The following COL24A1 variants were observed in gnomAD, a reference collection of about 807,000 sequenced individuals.
COL24A1 encodes the protein collagen alpha-1(XXIV) chain.
Under a neutral mutation model 253.9 loss-of-function variants are expected in COL24A1, and 224 were observed. The ratio of observed to expected loss-of-function variants is 0.88; its 90% CI spans 0.79 to 0.99. The LOEUF (loss-of-function observed/expected upper bound fraction) is 0.99, where lower values mean the gene tolerates loss of function less well. Ranked by LOEUF, COL24A1 falls within the 50% of genes least tolerant of loss-of-function variation. The pLI is 0.00. For missense variants in COL24A1, 2,131 were observed against 2,068.5 expected, an observed-to-expected ratio of 1.03 and a Z score of -0.59; for synonymous variants, 685 against 673.7, an observed-to-expected ratio of 1.02 and a Z score of -0.26.
chr1:85,874,940 C>A (rs1344448843), intron 34 of COL24A1, among the ~76,000 whole-genome samples: 2 of 152,142 alleles, frequency 1.3e-5, no homozygotes, highest in African/African-American at 4.8e-5. Context: ...AAACACGAAC[C>A]CTATTGTCAA....
At chr1:85,978,023 C>G (rs1692863752) in intron 20 of COL24A1, among the ~76,000 whole-genome samples, 1 of 152,148 alleles carries the variant, frequency 6.6e-6, no homozygotes, top group Admixed American at 6.5e-5. Flanking sequence ...AGATTTACAG[C>G]AGATTCCTCA....
chr1:85,897,507 T>C (rs1220405248), intron 28 of COL24A1, among the ~76,000 whole-genome samples: 1 of 151,326 alleles, frequency 6.6e-6, no homozygotes, highest in Non-Finnish European at 1.5e-5. Flanking sequence ...GCTATGCAAC[T>C]GCTTGTCAGG....
intron 37 of COL24A1, among the ~76,000 whole-genome samples, chr1:85,864,756 T>G (rs944891038): frequency 1.3e-5 from 2 of 152,186 alleles, no homozygotes; most frequent in African/African-American, 2.4e-5. Flanking sequence ...CTTAAACAGA[T>G]AGTAAAAACC....
At chr1:85,776,263 T>C (rs1285568449) in intron 52 of COL24A1, among the ~76,000 whole-genome samples, 1 of 152,148 alleles carries the variant, frequency 6.6e-6, no homozygotes, top group Admixed American at 6.6e-5. Context: ...ATCTTTCTGT[T>C]ATTGATTTCT....
chr1:85,907,308 C>T (rs541250405), intron 27 of COL24A1, 61 bp from the exon 28 acceptor site: 1 of 1,336,202 alleles, frequency 7.5e-7, no homozygotes, highest in South Asian at 1.2e-5. Flanking sequence ...AGAATAATAG[C>T]CATAATCTTT....
chr1:85,829,560 C>T (rs931761220), intron 43 of COL24A1, among the ~76,000 whole-genome samples: 1 of 151,900 alleles, frequency 6.6e-6, no homozygotes, highest in Non-Finnish European at 1.5e-5. Flanking sequence ...TCAGGTACAC[C>T]AATCAGACGT....
At chr1:85,948,845 A>T (rs1040900339) in intron 24 of COL24A1, among the ~76,000 whole-genome samples, 49 of 151,462 alleles carry the variant, frequency 3.2e-4, no homozygotes, top group Admixed American at 1.4e-3. Context: ...TATAATAAAA[A>T]ATATATATAT....
chr1:85,744,286 A>C (rs967332722), intron 57 of COL24A1, among the ~76,000 whole-genome samples: 4 of 152,058 alleles, frequency 2.6e-5, no homozygotes, highest in Non-Finnish European at 4.4e-5. Context: ...ATTAAAAAAA[A>C]CCCAGACTTT....
At chr1:86,140,427 G>A (rs924584090) in intron 2 of COL24A1, among the ~76,000 whole-genome samples, 4 of 152,202 alleles carry the variant, frequency 2.6e-5, no homozygotes, top group African/African-American at 9.6e-5. Context: ...TTTATAAAAT[G>A]AGAAATGAAG....
chr1:85,861,363 T>C (rs1352449532), intron 37 of COL24A1, among the ~76,000 whole-genome samples: 1 of 152,186 alleles, frequency 6.6e-6, no homozygotes, highest in African/African-American at 2.4e-5. Context: ...TACGAGTCCC[T>C]TATCATATAT....
intron 8 of COL24A1, among the ~76,000 whole-genome samples, chr1:86,061,501 C>T (rs72960354): frequency 0.09 from 13,730 of 152,016 alleles, 729 homozygotes; most frequent in Middle Eastern, 0.2. Flanking sequence ...AATCCTATTT[C>T]GAATGGATTG....
intron 13 of COL24A1, among the ~76,000 whole-genome samples, chr1:86,033,648 A>G (rs1220984016): frequency 7.0e-6 from 1 of 142,568 alleles, no homozygotes; most frequent in Non-Finnish European, 1.6e-5. Flanking sequence ...ACTTAACATC[A>G]TCAAAATAAT....
chr1:85,794,959 G>A (rs1318817851), intron 47 of COL24A1, among the ~76,000 whole-genome samples: 8 of 152,098 alleles, frequency 5.3e-5, no homozygotes, highest in Non-Finnish European at 8.8e-5. Flanking sequence ...AGTTTTGACA[G>A]GACTGAAACC....
Position 86,112,613 on chromosome 1 carries a change from G to A in COL24A1, c.1553C>T (p.Pro518Leu), listed in dbSNP as rs777014703. ...PSGKRGPRGI[P>L]GPHGNPGLPG... The stretch of plus-strand genomic sequence containing the variant: ...TAAACCAGGATTTCCATGTGGCCCT[G>A]GTATGCCCTGCAAGTAACGAAAAAA... The change falls in exon 5 of 60, where the codon CCA becomes CTA. Residue 518 changes from proline to leucine, a missense_variant. Pro to Leu is a moderately conservative substitution (Grantham distance 98, BLOSUM62 -3). Transcript: ENST00000370571. The A allele has an allele frequency of 6.2e-7, 1 of 1,612,682 alleles. No homozygotes were observed. Among genetic ancestry groups the A allele is most frequent in the Non-Finnish European group, 8.5e-7 (1 of 1,179,210 alleles).
At chr1:86,126,318 GT>G in intron 2 of COL24A1, 104 bp from the exon 3 acceptor site, 2 of 1,032,166 alleles carry the variant, frequency 1.9e-6, no homozygotes, top group Non-Finnish European at 2.7e-6. Context: ...AGCAACAGTA[GT>G]TTCTAAAATA....
chr1:85,813,773 G>C (rs1263582961), intron 47 of COL24A1, among the ~76,000 whole-genome samples: 1 of 151,570 alleles, frequency 6.6e-6, no homozygotes, highest in Non-Finnish European at 1.5e-5. Flanking sequence ...GGATGGTCTC[G>C]ATCTCCTGAC....
intron 14 of COL24A1, among the ~76,000 whole-genome samples, chr1:86,029,201 A>G (rs1264012373): frequency 2.0e-5 from 3 of 152,168 alleles, no homozygotes; most frequent in South Asian, 4.2e-4. Context: ...AAGAAATCTC[A>G]TAAGGTAGAT....
intron 2 of COL24A1, among the ~76,000 whole-genome samples, chr1:86,132,039 T>C (rs1212328247): frequency 6.6e-6 from 1 of 152,212 alleles, no homozygotes; most frequent in Non-Finnish European, 1.5e-5. Flanking sequence ...GTTTCCTGAC[T>C]TTTTAATGAT....
At chr1:86,021,429 A>C (rs962649348) in intron 18 of COL24A1, among the ~76,000 whole-genome samples, 2 of 152,126 alleles carry the variant, frequency 1.3e-5, no homozygotes, top group African/African-American at 2.4e-5. Context: ...GACATACCTG[A>C]TTGCCTAGGT....
Sources: gnomAD v4.1 joint callset for allele counts (sites outside exome capture counted in the v4.1 genomes callset) on GRCh38, gnomAD v4.1.1 for gene constraint, MANE v1.5 for transcripts, NCBI Gene and HGNC (gene_info 2026-07-23, HGNC 2026-07-21) for gene names.